The following SEC13 variants were observed in gnomAD, a reference collection of about 807,000 sequenced individuals.
SEC13 encodes the protein SEC13 homolog, nuclear pore and COPII component.
In SEC13, 25 loss-of-function variants were observed where a neutral mutation model predicts 49.2. The ratio of observed to expected loss-of-function variants is 0.51; its 90% CI spans 0.37 to 0.71. The LOEUF is 0.71. Among genes scored for constraint, SEC13 ranks in the 30% least tolerant of loss-of-function variants. The pLI is 0.00. For synonymous variants in SEC13, 148 were observed against 163.9 expected, an observed-to-expected ratio of 0.90 and a Z score of 0.74; for missense variants, 383 against 417.6, an observed-to-expected ratio of 0.92 and a Z score of 0.72.
intron 2 of SEC13, among the ~76,000 whole-genome samples, chr3:10,316,258 A>G (rs1701597522): frequency 6.6e-6 from 1 of 152,012 alleles, no homozygotes; most frequent in African/African-American, 2.4e-5. Flanking sequence ...TGCCTATTCC[A>G]ATGGATGTCC....
chr3:10,311,356 CAT>C (rs1228018217), intron 5 of SEC13, among the ~76,000 whole-genome samples: 2 of 152,190 alleles, frequency 1.3e-5, no homozygotes. Flanking sequence ...GAATTAAACT[CAT>C]AAAATATCCA....
intron 5 of SEC13, among the ~76,000 whole-genome samples, chr3:10,306,863 C>T (rs563427535): frequency 2.6e-5 from 4 of 152,302 alleles, no homozygotes; most frequent in East Asian, 1.9e-4. Flanking sequence ...TCCCCAGCTA[C>T]GTGGAACTGT....
intron 1 of SEC13, chr3:10,319,226 AT>A (rs2059720558): frequency 2.5e-6 from 4 of 1,613,630 alleles, no homozygotes; most frequent in African/African-American, 1.3e-5. Flanking sequence ...GTGGAAGAGG[AT>A]GGCTGCAAAG....
At chr3:10,320,006 GGA>G (rs59019332) in intron 1 of SEC13, among the ~76,000 whole-genome samples, 29 of 103,136 alleles carry the variant, frequency 2.8e-4, no homozygotes, top group South Asian at 3.7e-4. Flanking sequence ...GGGAGGGTGG[GGA>G]GAGAGAGAGA....
At position 10,304,117 on chromosome 3, in the gene SEC13, G is replaced by C; in HGVS notation, c.764C>G (p.Pro255Arg). The change falls in exon 8 of 9, where the codon CCT becomes CGT. Residue 255 changes from proline (P) to arginine (R), a missense_variant. Coordinates refer to ENST00000350697, the MANE Select transcript of SEC13 (RefSeq NM_183352.3). ...ATCGTTGAACTTGTGCAACAATTTA[G>C]GGGACCACGTATTGCTTGAGGCATC... Reference protein sequence around the residue: ...CDDASSNTWSPKLLHKFNDVV... With the variant: ...CDDASSNTWSRKLLHKFNDVV... 1 of 1,614,142 alleles carries C rather than the reference G, an allele frequency of 6.2e-7. No homozygotes were observed. Among genetic ancestry groups the C allele is most frequent in the South Asian group, 1.1e-5 (1 of 91,086 alleles).
chr3:10,301,606 C>CTGTT lies in SEC13; in HGVS notation c.856-236_856-233dup, dbSNP rs560225543. ...TGGATGATGATGTCAACACAGGATA[C>CTGTT]TGTTTTCAGCAAACTGTGACAGAGC... On this transcript the variant is annotated intron_variant, in intron 8 of 8. Coordinates refer to ENST00000350697, the MANE Select transcript of SEC13 (RefSeq NM_183352.3). 1.2e-3 allele frequency among the ~76,000 whole-genome samples: 183 copies of CTGTT among 152,312 alleles called. 2 individuals carry two copies. Among genetic ancestry groups the CTGTT allele is most frequent in the Non-Finnish European group, 1.7e-3 (118 of 68,032 alleles).
intron 7 of SEC13, 55 bp from the exon 8 acceptor site, chr3:10,304,227 A>G (rs1700722868): frequency 1.3e-6 from 2 of 1,588,520 alleles, no homozygotes; most frequent in African/African-American, 2.7e-5. Context: ...TGCGTTTGTG[A>G]TGTGATGTCC....
chr3:10,305,966 A>G, intron 5 of SEC13: 1 of 307,690 alleles, frequency 3.3e-6, no homozygotes, highest in Non-Finnish European at 6.0e-6. Context: ...AGAATGGTAC[A>G]TTGGAGCTTT....
chr3:10,316,134 A>G (rs1472312309), intron 2 of SEC13, among the ~76,000 whole-genome samples: 2 of 152,148 alleles, frequency 1.3e-5, no homozygotes, highest in African/African-American at 2.4e-5. Flanking sequence ...CTGACTGAGC[A>G]TGCAGAACTA....
intron 8 of SEC13, among the ~76,000 whole-genome samples, chr3:10,302,691 G>C (rs942054698): frequency 6.6e-6 from 1 of 152,120 alleles, no homozygotes; most frequent in Admixed American, 6.5e-5. Context: ...AGGGACCCTC[G>C]GCCAGAAAAG....
In SEC13 at chr3:10,304,168, C is replaced by T; in HGVS notation, c.713G>A (p.Gly238Asp). The change falls in exon 8 of 9, where the codon GGT becomes GAT. Residue 238 changes from glycine to aspartate, a missense_variant. Physicochemically the swap from Gly to Asp is moderately conservative, Grantham distance 94 (BLOSUM62 -1). Transcript: ENST00000350697. ...ATCACAGGTCCAAATGAACACACGA[C>T]CATCCTAGGAAGAAACAGGATAGAG... ...TSTIASCSQD[G>D]RVFIWTCDDA... The T allele has an allele frequency of 6.2e-7, 1 of 1,613,954 alleles. No homozygotes were observed. The highest frequency in any genetic ancestry group is 1.3e-5 in the African/African-American group (1 of 75,026).
chr3:10,313,414 G>A, intron 3 of SEC13: 1 of 530,008 alleles, frequency 1.9e-6, no homozygotes, highest in Non-Finnish European at 3.9e-6. Context: ...TTGACTTTAG[G>A]CAAGGATATC....
intron 4 of SEC13, 86 bp downstream of exon 4, chr3:10,312,493 G>A (rs1364356178): frequency 3.3e-6 from 5 of 1,495,082 alleles, no homozygotes; most frequent in African/African-American, 1.4e-5. Flanking sequence ...GCACCACGAG[G>A]GGCAGGGAGC....
chr3:10,310,394 G>A (rs1701178934), intron 5 of SEC13, among the ~76,000 whole-genome samples: 1 of 152,144 alleles, frequency 6.6e-6, no homozygotes, highest in South Asian at 2.1e-4. Flanking sequence ...AAGAGGCTGA[G>A]GCATGAGAAT....
intron 2 of SEC13, among the ~76,000 whole-genome samples, chr3:10,316,145 G>C (rs1701589712): frequency 6.6e-6 from 1 of 152,118 alleles, no homozygotes; most frequent in Admixed American, 6.5e-5. Flanking sequence ...TGCAGAACTA[G>C]GCCTGGCCCC....
intron 3 of SEC13, chr3:10,313,510 G>C (rs1156639328): frequency 2.0e-6 from 1 of 507,966 alleles, no homozygotes. Context: ...AAAGAAAAAA[G>C]CCACTCAATA....
At chr3:10,305,799 G>C (rs1308314761) in intron 5 of SEC13, 107 bp from the exon 6 acceptor site, 4 of 1,253,154 alleles carry the variant, frequency 3.2e-6, no homozygotes, top group Middle Eastern at 3.9e-4. Flanking sequence ...TGGAGTGTGT[G>C]TGAAGGCTGA....
In SEC13 at chr3:10,301,059, T is replaced by C. The variant is rs116693405; in HGVS notation, c.*202A>G. The stretch of plus-strand genomic sequence containing the variant: ...CACTTGTAGTTTCTTCCTCGTAACA[T>C]GAGTGCTTTCAGCTGGACAGTAGAT... On this transcript the variant is annotated 3_prime_UTR_variant, in exon 9 of 9. Coordinates refer to ENST00000350697, the MANE Select transcript of SEC13 (RefSeq NM_183352.3). 7.8e-4 allele frequency: 1,261 copies of C among 1,607,502 alleles called. 8 individuals carry two copies. In the African/African-American group the frequency reaches 0.015, roughly 19 times the overall value.
chr3:10,318,633 CG>C (rs1331361041), intron 1 of SEC13, among the ~76,000 whole-genome samples: 1 of 152,088 alleles, frequency 6.6e-6, no homozygotes, highest in Non-Finnish European at 1.5e-5. Flanking sequence ...TTATGCATAA[CG>C]GGGTTATTAC....
Sources: allele counts gnomAD v4.1 joint callset (sites outside exome capture counted in the v4.1 genomes callset), GRCh38; gene constraint gnomAD v4.1.1; transcripts MANE v1.5; gene names NCBI Gene and HGNC (gene_info 2026-07-23, HGNC 2026-07-21).